The following BNC2 variants were observed in gnomAD, a reference collection of about 807,000 sequenced individuals.
The protein encoded by BNC2 is basonuclin zinc finger protein 2, also known as zinc finger protein basonuclin-2.
BNC2 carries 20 observed loss-of-function variants against 76.3 expected under a neutral mutation model. The ratio of observed to expected loss-of-function variants is 0.26; its 90% CI spans 0.18 to 0.38. The LOEUF is 0.38. BNC2 is among the 10% of genes least tolerant of loss of function. The pLI is 1.00. For missense variants in BNC2, 1,382 were observed against 1,399.8 expected, an observed-to-expected ratio of 0.99 and a Z score of 0.20; for synonymous variants, 582 against 514.8, an observed-to-expected ratio of 1.13 and a Z score of -1.77.
intron 1 of BNC2, among the ~76,000 whole-genome samples, chr9:16,782,602 G>A (rs992556219): frequency 6.6e-6 from 1 of 151,948 alleles, no homozygotes; most frequent in Non-Finnish European, 1.5e-5. Context: ...GGCTGACTCT[G>A]AAGAATAAAG....
intron 2 of BNC2, among the ~76,000 whole-genome samples, chr9:16,738,024 T>C (rs370130608): frequency 3.3e-5 from 5 of 152,036 alleles, no homozygotes; most frequent in African/African-American, 1.2e-4. Context: ...TTATTAAAAA[T>C]AGTGATAACA....
intron 1 of BNC2, among the ~76,000 whole-genome samples, chr9:16,741,654 C>G (rs1224969742): frequency 6.6e-6 from 1 of 152,038 alleles, no homozygotes; most frequent in Non-Finnish European, 1.5e-5. Context: ...GAGAAAAATA[C>G]CTTGCTCTAA....
chr9:16,510,852 T>C (rs1463726757), intron 5 of BNC2, among the ~76,000 whole-genome samples: 3 of 152,236 alleles, frequency 2.0e-5, no homozygotes, highest in Non-Finnish European at 4.4e-5. Flanking sequence ...CTGGCTTCAC[T>C]TTGTCTTTAA....
chr9:16,805,197 T>C (rs930365224), intron 1 of BNC2, among the ~76,000 whole-genome samples: 8 of 152,148 alleles, frequency 5.3e-5, no homozygotes, highest in Non-Finnish European at 8.8e-5. Context: ...ACACATGCCA[T>C]CTTTAGAATC....
chr9:16,664,832 T>C (rs1393377794), intron 3 of BNC2, among the ~76,000 whole-genome samples: 1 of 151,268 alleles, frequency 6.6e-6, no homozygotes, highest in Non-Finnish European at 1.5e-5. Flanking sequence ...AGAATTCATG[T>C]CCACGTGAAA....
At chr9:16,503,322 A>G (rs1158725334) in intron 5 of BNC2, among the ~76,000 whole-genome samples, 2 of 152,182 alleles carry the variant, frequency 1.3e-5, no homozygotes, top group Admixed American at 6.5e-5. Context: ...TCCTGGGCCA[A>G]GCTCCAAACA....
chr9:16,786,967 T>G (rs1333798745), intron 1 of BNC2, among the ~76,000 whole-genome samples: 1 of 152,182 alleles, frequency 6.6e-6, no homozygotes, highest in East Asian at 1.9e-4. Context: ...AATCAGTGAT[T>G]AAACAGGACA....
rs1194252136 is a variant in BNC2 at position 16,738,382 on chromosome 9, C to G, written c.107G>C (p.Gly36Ala). 6.2e-7 allele frequency: 1 copy of G among 1,614,030 alleles called. No individual in the cohort carries two copies. Among genetic ancestry groups the G allele is most frequent in the Admixed American group, 1.7e-5 (1 of 60,000 alleles). The change falls in exon 2 of 7, where the codon GGG becomes GCG. Residue 36 changes from glycine (G) to alanine (A), a missense_variant. Physicochemically the swap from Gly to Ala is moderately conservative, Grantham distance 60. Coordinates refer to ENST00000380672, the MANE Select transcript of BNC2 (RefSeq NM_017637.6). ...TACCTCAATTTGAGATGTATCAACC[C>G]CACAACATGGGACCTTGAAATATGC... is the stretch of plus-strand genomic sequence containing the variant. ...WPAYFKVPCC[G>A]VDTSQIESEE... is the part of the protein sequence containing the mutation.
chr9:16,563,383 C>T (rs1315433724), intron 4 of BNC2, among the ~76,000 whole-genome samples: 12 of 151,952 alleles, frequency 7.9e-5, no homozygotes, highest in Admixed American at 5.9e-4. Context: ...CTTTGGGAGG[C>T]CTAGGAGGAC....
intron 5 of BNC2, among the ~76,000 whole-genome samples, chr9:16,542,335 C>G (rs1818348534): frequency 6.6e-6 from 1 of 151,886 alleles, no homozygotes; most frequent in African/African-American, 2.4e-5. Context: ...CCATGCAAGT[C>G]CCCTATCTCA....
chr9:16,548,500 G>A (rs1818559177), intron 5 of BNC2, among the ~76,000 whole-genome samples: 1 of 151,840 alleles, frequency 6.6e-6, no homozygotes, highest in South Asian at 2.1e-4. Flanking sequence ...CTGCTTCCCG[G>A]GTTCAAGGAA....
chr9:16,758,999 C>G (rs142466214), intron 1 of BNC2, among the ~76,000 whole-genome samples: 2 of 152,120 alleles, frequency 1.3e-5, no homozygotes, highest in Admixed American at 1.3e-4. Context: ...AACACAGATT[C>G]CTAAGGAAAT....
intron 5 of BNC2, among the ~76,000 whole-genome samples, chr9:16,479,111 G>A (rs998478005): frequency 6.6e-6 from 1 of 152,104 alleles, no homozygotes; most frequent in South Asian, 2.1e-4. Context: ...AATTAGCCAG[G>A]CGCGTTGGCG....
chr9:16,615,652 T>C (rs112052323), intron 3 of BNC2, among the ~76,000 whole-genome samples: 23 of 152,336 alleles, frequency 1.5e-4, no homozygotes, highest in African/African-American at 5.3e-4. Flanking sequence ...TCAGCTTTAA[T>C]TGTTTCCTCA....
intron 1 of BNC2, among the ~76,000 whole-genome samples, chr9:16,739,910 G>T (rs1225827967): frequency 6.6e-6 from 1 of 152,150 alleles, no homozygotes; most frequent in Non-Finnish European, 1.5e-5. Context: ...TTTAGTATGG[G>T]GGGAACAGCA....
At chr9:16,809,553 C>G (rs1034995492) in intron 1 of BNC2, among the ~76,000 whole-genome samples, 1 of 152,102 alleles carries the variant, frequency 6.6e-6, no homozygotes, top group Non-Finnish European at 1.5e-5. Context: ...TGCTGAATTC[C>G]CTTCCTAAAA....
At chr9:16,542,300 C>T (rs1157761982) in intron 5 of BNC2, among the ~76,000 whole-genome samples, 1 of 151,894 alleles carries the variant, frequency 6.6e-6, no homozygotes, top group Non-Finnish European at 1.5e-5. Context: ...ATTTGGGGGG[C>T]CTCATGTATT....
intron 3 of BNC2, among the ~76,000 whole-genome samples, chr9:16,719,562 A>T (rs1002750318): frequency 3.0e-4 from 46 of 152,216 alleles, no homozygotes; most frequent in African/African-American, 1.0e-3. Flanking sequence ...ACACCTTAAT[A>T]AAGTTGAAAA....
At chr9:16,562,027 AC>A (rs1394348996) in intron 4 of BNC2, among the ~76,000 whole-genome samples, 3 of 152,094 alleles carry the variant, frequency 2.0e-5, no homozygotes, top group Non-Finnish European at 4.4e-5. Context: ...AACAAAAAAA[AC>A]AATTAATAAA....
Sources: allele counts gnomAD v4.1 joint callset (sites outside exome capture counted in the v4.1 genomes callset), GRCh38; gene constraint gnomAD v4.1.1; transcripts MANE v1.5; gene names NCBI Gene and HGNC (gene_info 2026-07-23, HGNC 2026-07-21).